SNTG1: variants seen among roughly 807,000 people sequenced by gnomAD.
SNTG1 encodes the protein syntrophin gamma 1.
In SNTG1, 39 loss-of-function variants were observed where a neutral mutation model predicts 74.7. The ratio of observed to expected loss-of-function variants is 0.52; its 90% confidence interval spans 0.40 to 0.68. The LOEUF (loss-of-function observed/expected upper bound fraction) is 0.68. SNTG1 is among the 30% of genes least tolerant of loss of function. The probability of loss-of-function intolerance (pLI) is 0.00; values close to 1 mark genes in which losing one functional copy is unlikely to be tolerated. For missense variants in SNTG1, 685 were observed against 609.5 expected (o/e 1.12, Z -1.30); for synonymous variants, 254 against 217.1 (o/e 1.17, Z -1.49).
At chr8:50,335,259 T>C (rs779497701) in intron 2 of SNTG1, among the ~76,000 whole-genome samples, 4 of 152,190 alleles carry the variant, frequency 2.6e-5, no homozygotes, top group Non-Finnish European at 4.4e-5. Context: ...AACTTGGTGG[T>C]TTAGAACACC....
intron 1 of SNTG1, among the ~76,000 whole-genome samples, chr8:49,933,839 T>G (rs1460167447): frequency 6.6e-6 from 1 of 152,202 alleles, no homozygotes; most frequent in Non-Finnish European, 1.5e-5. Context: ...TGATGCATAT[T>G]TATTGGTAAC....
Position 50,462,805 on chromosome 8 carries a change from T to A in SNTG1, c.363+12076T>A, listed in dbSNP as rs2093577709. Among the ~76,000 whole-genome samples the A allele has an allele frequency of 7.1e-5, 4 of 56,168 alleles. 1 individual carries two copies. The highest frequency in any genetic ancestry group is 7.0e-5 in the Non-Finnish European group (2 of 28,374). The allele number at this position is 56,168 out of a possible 152,430, so 36.8% of individuals were successfully genotyped here. On this transcript the variant is annotated intron_variant, in intron 8 of 18. Coordinates refer to ENST00000642720, the MANE Select transcript of SNTG1 (RefSeq NM_018967.5). ...ATCTTCAGGTTCTACTCTTTTTTTT[T>A]TTTTTTTTTTTTTTTTTTTTTTTTT... is the stretch of plus-strand genomic sequence containing the variant.
At chr8:50,756,999 C>T (rs2095582200) in intron 18 of SNTG1, among the ~76,000 whole-genome samples, 1 of 151,684 alleles carries the variant, frequency 6.6e-6, no homozygotes, top group Admixed American at 6.6e-5. Context: ...TTTATATTAA[C>T]TTACCTGACA....
At chr8:50,496,996 A>G (rs2448941) in intron 8 of SNTG1, among the ~76,000 whole-genome samples, 105,021 of 150,360 alleles carry the variant, frequency 0.7, 39,128 homozygotes, top group East Asian at 0.84. Context: ...AAAAAACACT[A>G]TCTCAATCCT....
chr8:50,441,796 A>G (rs111540159), intron 5 of SNTG1, among the ~76,000 whole-genome samples: 28 of 152,280 alleles, frequency 1.8e-4, no homozygotes, highest in African/African-American at 6.5e-4. Flanking sequence ...TCAGTTTGAA[A>G]CAAAGCCACC....
At chr8:50,090,496 A>G (rs1333657244) in intron 1 of SNTG1, among the ~76,000 whole-genome samples, 1 of 152,168 alleles carries the variant, frequency 6.6e-6, no homozygotes, top group African/African-American at 2.4e-5. Flanking sequence ...AGAAAGATTC[A>G]TCTGCAGAAG....
At chr8:50,373,630 A>G (rs1168063923) in intron 2 of SNTG1, among the ~76,000 whole-genome samples, 1 of 152,234 alleles carries the variant, frequency 6.6e-6, no homozygotes, top group Non-Finnish European at 1.5e-5. Context: ...AAACTCATTT[A>G]AGAAGTGCAG....
chr8:49,940,839 GAC>G (rs1808619685), intron 1 of SNTG1, among the ~76,000 whole-genome samples: 3 of 152,154 alleles, frequency 2.0e-5, no homozygotes, highest in African/African-American at 7.2e-5. Context: ...AACATCATGA[GAC>G]AGGATACTGC....
intron 17 of SNTG1, among the ~76,000 whole-genome samples, chr8:50,743,589 C>T (rs910988180): frequency 2.6e-5 from 4 of 151,486 alleles, no homozygotes; most frequent in African/African-American, 4.9e-5. Flanking sequence ...AGAATACTTG[C>T]TTTGACTTCT....
intron 2 of SNTG1, among the ~76,000 whole-genome samples, chr8:50,317,026 G>A (rs2090342764): frequency 6.6e-6 from 1 of 152,176 alleles, no homozygotes; most frequent in Non-Finnish European, 1.5e-5. Context: ...GATTTAAAAA[G>A]TAGTGAGTGA....
chr8:50,537,072 A>G (rs943543856), intron 11 of SNTG1, among the ~76,000 whole-genome samples: 1 of 152,148 alleles, frequency 6.6e-6, no homozygotes, highest in Non-Finnish European at 1.5e-5. Context: ...TTCATATTTC[A>G]TATTTGTTAA....
At position 50,006,684 on chromosome 8, in the gene SNTG1, C is replaced by A. The variant is rs147925683; in HGVS notation, c.-103+94453C>A. 4.6e-5 allele frequency among the ~76,000 whole-genome samples: 7 copies of A among 152,224 alleles called. No homozygotes were observed. The East Asian group carries it at 1.2e-3, about 25-fold the overall frequency. ...TTTATTCTGAATGGTTTATCTTGTGCCAATGGGGCTTCCTCTGGTCCCTAC... is the reference window on the plus strand; with the variant it reads ...TTTATTCTGAATGGTTTATCTTGTGACAATGGGGCTTCCTCTGGTCCCTAC... On this transcript the variant is annotated intron_variant, in intron 1 of 18. Transcript: ENST00000642720.
intron 1 of SNTG1, among the ~76,000 whole-genome samples, chr8:50,151,552 T>C (rs2082070881): frequency 6.6e-6 from 1 of 152,244 alleles, no homozygotes. Flanking sequence ...CATTTAGTGC[T>C]GTAAATTTCC....
chr8:50,767,561 G>A (rs1214415128), intron 18 of SNTG1, among the ~76,000 whole-genome samples: 1 of 151,914 alleles, frequency 6.6e-6, no homozygotes, highest in Non-Finnish European at 1.5e-5. Flanking sequence ...CTTCCCTAGT[G>A]GAACAGGGGA....
chr8:50,511,612 A>C (rs543762182), intron 9 of SNTG1, among the ~76,000 whole-genome samples: 1 of 152,190 alleles, frequency 6.6e-6, no homozygotes, highest in Admixed American at 6.5e-5. Context: ...TATTCAGTCC[A>C]TGCATATTTA....
chr8:49,959,270 G>A (rs749719463), intron 1 of SNTG1, among the ~76,000 whole-genome samples: 13 of 152,188 alleles, frequency 8.5e-5, no homozygotes, highest in Non-Finnish European at 1.6e-4. Context: ...AAGCAAGAAG[G>A]CAGGACAAAA....
chr8:50,006,163 G>A (rs796488732), intron 1 of SNTG1, among the ~76,000 whole-genome samples: 5 of 151,736 alleles, frequency 3.3e-5, no homozygotes, highest in African/African-American at 1.2e-4. Flanking sequence ...GGGTTTCATC[G>A]TGTTGGCCAG....
intron 2 of SNTG1, among the ~76,000 whole-genome samples, chr8:50,215,009 C>G (rs1258526172): frequency 6.6e-6 from 1 of 152,150 alleles, no homozygotes; most frequent in Non-Finnish European, 1.5e-5. Context: ...ATCTGTTTTC[C>G]TCTTCCAATT....
intron 2 of SNTG1, among the ~76,000 whole-genome samples, chr8:50,342,354 A>G (rs2091342239): frequency 6.6e-6 from 1 of 152,158 alleles, no homozygotes; most frequent in African/African-American, 2.4e-5. Flanking sequence ...ACCTGACATC[A>G]TCATTGTGTT....
Sources: allele counts gnomAD v4.1 joint callset (sites outside exome capture counted in the v4.1 genomes callset), GRCh38; gene constraint gnomAD v4.1.1; transcripts MANE v1.5; gene names NCBI Gene and HGNC (gene_info 2026-07-23, HGNC 2026-07-21).